Variants in IL6ST observed in about 807,000 individuals in gnomAD.
IL6ST encodes interleukin 6 cytokine family signal transducer.
A neutral mutation model predicts 91.3 loss-of-function variants in IL6ST; 24 were observed. The ratio of observed to expected loss-of-function variants is 0.26; its 90% CI spans 0.19 to 0.37. The LOEUF (loss-of-function observed/expected upper bound fraction) is 0.37. Among genes scored for constraint, IL6ST ranks in the 10% least tolerant of loss-of-function variants. The pLI is 1.00. For missense variants in IL6ST, 914 were observed against 1,078.5 expected (o/e 0.85, Z 2.14); for synonymous variants, 351 against 373.6 (o/e 0.94, Z 0.70).
chr5:55,981,360 T>C (rs994517747), intron 2 of IL6ST, among the ~76,000 whole-genome samples: 3 of 152,078 alleles, frequency 2.0e-5, no homozygotes, highest in African/African-American at 7.2e-5. Flanking sequence ...TTGACAGAAT[T>C]ATGGCCGGGT....
At chr5:55,950,866 T>C (rs1751592639) in intron 14 of IL6ST, among the ~76,000 whole-genome samples, 2 of 151,996 alleles carry the variant, frequency 1.3e-5, no homozygotes, top group Admixed American at 6.6e-5. Context: ...GGAGGATCAC[T>C]TGAGCCCAGG....
At chr5:55,950,112 T>A in intron 14 of IL6ST, 1 of 437,742 alleles carries the variant, frequency 2.3e-6, no homozygotes, top group South Asian at 1.6e-5. Context: ...GAGAAAAATA[T>A]ACAAATACAT....
At chr5:55,986,304 T>C (rs1224362594) in intron 1 of IL6ST, among the ~76,000 whole-genome samples, 1 of 152,250 alleles carries the variant, frequency 6.6e-6, no homozygotes, top group Non-Finnish European at 1.5e-5. Flanking sequence ...ATCCTTTTGA[T>C]AAATTGACCC....
intron 4 of IL6ST, 151 bp downstream of exon 4, chr5:55,969,399 T>C: frequency 3.6e-6 from 2 of 560,234 alleles, no homozygotes; most frequent in Non-Finnish European, 6.2e-6. Flanking sequence ...AGACTTGTGG[T>C]TCCTACTTCT....
chr5:55,937,304 A>G lies in IL6ST; in HGVS notation c.*3778T>C, dbSNP rs1037123197. 4.7e-6 allele frequency: 1 copy of G among 214,222 alleles called. No homozygotes were observed. Among genetic ancestry groups the G allele is most frequent in the African/African-American group, 2.3e-5 (1 of 44,250 alleles). The allele number at this position is 214,222 out of a possible 1,614,324, so 13.3% of individuals were successfully genotyped here. A position where few individuals can be genotyped will look rare whatever the true frequency, so the allele number is the denominator to read the frequency against. On this transcript the variant is annotated 3_prime_UTR_variant, in exon 17 of 17. Coordinates refer to ENST00000381298, the MANE Select transcript of IL6ST (RefSeq NM_002184.4). ...GAGAAAAAGCCCTTAAAAATTTAGGAACAAATGAGCAACAGAAGAGCTCAC... is the reference window on the plus strand; with the variant it reads ...GAGAAAAAGCCCTTAAAAATTTAGGGACAAATGAGCAACAGAAGAGCTCAC...
rs138270853 is a variant in IL6ST, at chr5:55,938,230, A to G, written c.*2852T>C. ...GAATAAGGCTGAAATTTAAATGAAC[A>G]ATTAGGTAGAGAAGAGGTATGAACA... On this transcript the variant is annotated 3_prime_UTR_variant, in exon 17 of 17. Coordinates refer to ENST00000381298, the MANE Select transcript of IL6ST (RefSeq NM_002184.4). The G allele has an allele frequency of 1.2e-3, 226 of 192,872 alleles. 1 individual carries two copies. The East Asian group carries it at 0.018, about 16-fold the overall frequency. 11.9% of individuals were successfully genotyped at this position (192,872 alleles called of 1,614,324 possible). A position where few individuals can be genotyped will look rare whatever the true frequency, so the allele number is the denominator to read the frequency against.
chr5:55,985,696 G>GA (rs1471535197), intron 1 of IL6ST, among the ~76,000 whole-genome samples: 2 of 152,150 alleles, frequency 1.3e-5, no homozygotes, highest in African/African-American at 4.8e-5. Flanking sequence ...ACTATTTGCT[G>GA]AAAAAATTAT....
Position 55,960,556 on chromosome 5 carries a change from A to G in IL6ST, c.819T>C (p.Pro273=). ...TKDASTWSQI[P]PEDTASTRSS... is the part of the protein sequence containing the mutation. ...ATCGGGTGGATGCTGTGTCTTCAGG[A>G]GGAATCTGAAACAAAGCAAACCAAA... The change falls in exon 8 of 17, where the codon CCT becomes CCC. Residue 273 remains proline (P), a synonymous_variant. Coordinates refer to ENST00000381298, the MANE Select transcript of IL6ST (RefSeq NM_002184.4). The G allele has an allele frequency of 6.2e-7, 1 of 1,610,578 alleles. No individual in the cohort carries two copies. The highest frequency in any genetic ancestry group is 2.2e-5 in the East Asian group (1 of 44,850).
At chr5:55,948,698 A>G (rs892688423) in intron 14 of IL6ST, among the ~76,000 whole-genome samples, 1 of 152,122 alleles carries the variant, frequency 6.6e-6, no homozygotes, top group African/African-American at 2.4e-5. Context: ...ATCTGCTTTT[A>G]TGTTTTCAAG....
intron 1 of IL6ST, among the ~76,000 whole-genome samples, chr5:55,988,635 G>C (rs1470336342): frequency 1.3e-5 from 2 of 151,572 alleles, no homozygotes; most frequent in African/African-American, 4.9e-5. Flanking sequence ...GAGTGGTGGC[G>C]CACACCTGTA....
Position 55,939,714 on chromosome 5 carries a change from T to A in IL6ST, c.*1368A>T, listed in dbSNP as rs1240950113. ...CTGCTTCCATATCGCACGTGGTGGT[T>A]AGGGGACAGCATAAGTACACTAGCG... On this transcript the variant is annotated 3_prime_UTR_variant, in exon 17 of 17. Coordinates refer to ENST00000381298, the MANE Select transcript of IL6ST (RefSeq NM_002184.4). 4.8e-6 allele frequency: 1 copy of A among 207,950 alleles called. No homozygotes were observed. Among genetic ancestry groups the A allele is most frequent in the African/African-American group, 2.3e-5 (1 of 44,006 alleles). 12.9% of individuals were successfully genotyped at this position (207,950 alleles called of 1,614,324 possible). A position where few individuals can be genotyped will look rare whatever the true frequency, so the allele number is the denominator to read the frequency against.
intron 5 of IL6ST, among the ~76,000 whole-genome samples, chr5:55,966,668 T>C (rs148670432): frequency 2.4e-4 from 36 of 152,046 alleles, no homozygotes; most frequent in African/African-American, 7.7e-4. Context: ...AAAAAAGAGA[T>C]AGATTGAGAG....
At chr5:55,961,136 G>C (rs889748941) in intron 7 of IL6ST, among the ~76,000 whole-genome samples, 16 of 152,192 alleles carry the variant, frequency 1.1e-4, no homozygotes, top group African/African-American at 3.9e-4. Flanking sequence ...AAGTTAAAAA[G>C]CAGTCCAAAT....
In IL6ST at chr5:55,962,064, T is replaced by C. The variant is rs1752352191; in HGVS notation, c.813+1288A>G. On this transcript the variant is annotated intron_variant, in intron 7 of 16. Transcript: ENST00000381298. ...AAAAAAAGAGGAGATTAAATACAGA[T>C]AAATAACTGGTCATATTACTCTGAT... 2.0e-5 allele frequency among the ~76,000 whole-genome samples: 3 copies of C among 152,336 alleles called. No homozygotes were observed. In the South Asian group the frequency reaches 6.2e-4, roughly 32 times the overall value.
At chr5:55,954,461 G>GA (rs1751836074) in intron 11 of IL6ST, among the ~76,000 whole-genome samples, 3 of 152,284 alleles carry the variant, frequency 2.0e-5, no homozygotes, top group Admixed American at 2.0e-4. Flanking sequence ...GATGCTCTAG[G>GA]AAACTATTTT....
At position 55,937,203 on chromosome 5, in the gene IL6ST, T is replaced by C. The variant is rs977089422; in HGVS notation, c.*3879A>G. On this transcript the variant is annotated 3_prime_UTR_variant, in exon 17 of 17. Coordinates refer to ENST00000381298, the MANE Select transcript of IL6ST (RefSeq NM_002184.4). ...TCTATCACTATCGGCCTTAAATGCA[T>C]CTCATCACACGACCCATCAACTTTA... The C allele has an allele frequency of 1.9e-5, 4 of 215,116 alleles. No individual in the cohort carries two copies. Among genetic ancestry groups the C allele is most frequent in the African/African-American group, 9.0e-5 (4 of 44,288 alleles). The allele number at this position is 215,116 out of a possible 1,614,324, so 13.3% of individuals were successfully genotyped here.
intron 1 of IL6ST, among the ~76,000 whole-genome samples, chr5:55,985,911 TAAAC>T (rs1184432801): frequency 1.3e-5 from 2 of 152,178 alleles, no homozygotes; most frequent in Admixed American, 6.5e-5. Flanking sequence ...AGAAAATACA[TAAAC>T]AAACAGGGGT....
chr5:55,981,220 G>T (rs1198095535), intron 2 of IL6ST, among the ~76,000 whole-genome samples: 1 of 152,168 alleles, frequency 6.6e-6, no homozygotes, highest in Non-Finnish European at 1.5e-5. Context: ...GATTGTAATG[G>T]AGAGGTGATG....
At chr5:55,974,966 C>T (rs1372933962) in intron 3 of IL6ST, among the ~76,000 whole-genome samples, 2 of 151,650 alleles carry the variant, frequency 1.3e-5, no homozygotes, top group Non-Finnish European at 2.9e-5. Flanking sequence ...TACACACACA[C>T]ACACACACAC....
Sources: gnomAD v4.1 joint callset for allele counts (sites outside exome capture counted in the v4.1 genomes callset) on GRCh38, gnomAD v4.1.1 for gene constraint, MANE v1.5 for transcripts, NCBI Gene and HGNC (gene_info 2026-07-23, HGNC 2026-07-21) for gene names.